KCNQ1: variants seen among roughly 807,000 people sequenced by gnomAD.
KCNQ1 encodes the protein potassium voltage-gated channel subfamily Q member 1.
A neutral mutation model predicts 72.4 loss-of-function variants in KCNQ1; 49 were observed. The observed-to-expected ratio is 0.68, with a 90% CI of 0.54 to 0.86. The LOEUF (loss-of-function observed/expected upper bound fraction) is 0.86. Ranked by LOEUF, KCNQ1 falls within the 40% of genes least tolerant of loss-of-function variation. The pLI is 0.00. For synonymous variants in KCNQ1, 450 were observed against 412.6 expected (o/e 1.09, Z -1.10); for missense variants, 790 against 945.1 (o/e 0.84, Z 2.15).
intron 10 of KCNQ1, among the ~76,000 whole-genome samples, chr11:2,591,381 G>C (rs1848668097): frequency 6.6e-6 from 1 of 152,222 alleles, no homozygotes; most frequent in Non-Finnish European, 1.5e-5. Context: ...CATCAGGATT[G>C]GGCTGGGACC....
Position 2,679,788 on chromosome 11 carries a change from G to T in KCNQ1, c.1514+17707G>T. On this transcript the variant is annotated intron_variant, in intron 11 of 15. Coordinates refer to ENST00000155840, the MANE Select transcript of KCNQ1 (RefSeq NM_000218.3). The surrounding 1 kb of genome is among the most constrained non-coding windows in gnomAD (Gnocchi z 4.8). ...CTGCACACTAGGGCCTGTTAGGCCA[G>T]TTGAGGGCTAGAGGAGCACAAGGGG... The T allele has an allele frequency of 2.5e-6, 1 of 398,646 alleles. No homozygotes were observed. Among genetic ancestry groups the T allele is most frequent in the East Asian group, 3.6e-5 (1 of 28,076 alleles). The allele number at this position is 398,646 out of a possible 1,614,324, so 24.7% of individuals were successfully genotyped here. A position where few individuals can be genotyped will look rare whatever the true frequency, so the allele number is the denominator to read the frequency against.
chr11:2,837,798 G>T (rs1040383461), intron 15 of KCNQ1, among the ~76,000 whole-genome samples: 1 of 152,246 alleles, frequency 6.6e-6, no homozygotes, highest in Admixed American at 6.5e-5. Context: ...AGGAACCAGA[G>T]GAAACCGGCT....
chr11:2,598,803 T>G lies in KCNQ1; in HGVS notation c.1393+9949T>G, dbSNP rs1848764586. Among the ~76,000 whole-genome samples, 1 of 152,310 alleles carries G rather than the reference T, an allele frequency of 6.6e-6. No homozygotes were observed. The highest frequency in any genetic ancestry group is 2.4e-5 in the African/African-American group (1 of 41,572). ...ATGTGGCCCTAAGCAAGCTACTGCA[T>G]TCTCTGTGCCTCAGTTTCCACATCT... On this transcript the variant is annotated intron_variant, in intron 10 of 15. Coordinates refer to ENST00000155840, the MANE Select transcript of KCNQ1 (RefSeq NM_000218.3). This position sits in a 1 kb window ranked among gnomAD's most constrained non-coding sequence, Gnocchi z 6.2.
At chr11:2,666,999 C>T (rs1850084840) in intron 11 of KCNQ1, 1 of 398,722 alleles carries the variant, frequency 2.5e-6, no homozygotes, top group Non-Finnish European at 4.4e-6. Flanking sequence ...TACAGGGCTG[C>T]ATGAGTCATA....
At chr11:2,643,404 T>C in intron 10 of KCNQ1, 4 of 398,480 alleles carry the variant, frequency 1.0e-5, no homozygotes, top group Non-Finnish European at 1.8e-5. Flanking sequence ...TCTGTCACTA[T>C]ATAATGACTT....
At chr11:2,499,160 C>G (rs150047355) in intron 1 of KCNQ1, among the ~76,000 whole-genome samples, 71 of 152,334 alleles carry the variant, frequency 4.7e-4, no homozygotes, top group African/African-American at 1.6e-3. Context: ...TCTTCCTATT[C>G]TGCCATCTTG....
chr11:2,694,482 CCAAG>C (rs1447898979), intron 11 of KCNQ1: 19 of 398,462 alleles, frequency 4.8e-5, no homozygotes, highest in Non-Finnish European at 4.4e-6. Flanking sequence ...ACATCCTGTC[CCAAG>C]CATTACCAGT....
At chr11:2,708,740 C>T (rs1489183559) in intron 11 of KCNQ1, among the ~76,000 whole-genome samples, 1 of 152,146 alleles carries the variant, frequency 6.6e-6, no homozygotes, top group Non-Finnish European at 1.5e-5. Context: ...TTTCCATCTC[C>T]CTGTTCTCTC....
chr11:2,698,657 A>G lies in KCNQ1; in HGVS notation c.1514+36576A>G, dbSNP rs968461950. The G allele has an allele frequency of 5.0e-6, 2 of 398,202 alleles. No individual in the cohort carries two copies. Among genetic ancestry groups the G allele is most frequent in the Non-Finnish European group, 8.8e-6 (2 of 226,030 alleles). The allele number at this position is 398,202 out of a possible 1,614,324, so 24.7% of individuals were successfully genotyped here. On this transcript the variant is annotated intron_variant, in intron 11 of 15. Transcript: ENST00000155840. The surrounding 1 kb of genome is among the most constrained non-coding windows in gnomAD (Gnocchi z 5.1). ...CCTCTAACCCCAATCCCAATCTCTT[A>G]ACTCAGAGCCCCCCATTCAGAACCT... is the stretch of plus-strand genomic sequence containing the variant.
chr11:2,686,049 TGGGGCA>T (rs1259823732), intron 11 of KCNQ1: 7 of 399,250 alleles, frequency 1.8e-5, no homozygotes, highest in South Asian at 1.3e-4. Flanking sequence ...CACCATCTGA[TGGGGCA>T]GGGGCAGGGG....
chr11:2,636,734 T>C (rs1849473165), intron 10 of KCNQ1: 1 of 152,248 alleles, frequency 6.6e-6, no homozygotes, highest in African/African-American at 2.4e-5. Context: ...CTTTTTCTAT[T>C]GTTTGGAATA....
Position 2,653,372 on chromosome 11 carries a change from C to T in KCNQ1, c.1394-8589C>T. 2.5e-6 allele frequency: 1 copy of T among 398,780 alleles called. No homozygotes were observed. The highest frequency in any genetic ancestry group is 4.4e-6 in the Non-Finnish European group (1 of 226,156). The allele number at this position is 398,780 out of a possible 1,614,324, so 24.7% of individuals were successfully genotyped here. ...ACACCTCACCCCCAACTTTGTCATG[C>T]ACATTCCTGAAGACTCTCTTGGTAA... is the stretch of plus-strand genomic sequence containing the variant. On this transcript the variant is annotated intron_variant, in intron 10 of 15. Transcript: ENST00000155840. The surrounding 1 kb of genome is among the most constrained non-coding windows in gnomAD (Gnocchi z 5.3).
At position 2,668,933 on chromosome 11, in the gene KCNQ1, C is replaced by T. The variant is rs1257337114; in HGVS notation, c.1514+6852C>T. On this transcript the variant is annotated intron_variant, in intron 11 of 15. Coordinates refer to ENST00000155840, the MANE Select transcript of KCNQ1 (RefSeq NM_000218.3). This position sits in a 1 kb window ranked among gnomAD's most constrained non-coding sequence, Gnocchi z 4.3. ...TAAAGCTTTATTAGCTCACCTTTCC[C>T]ATGTAGATCTGCACTCCATCTGGGA... The T allele has an allele frequency of 7.5e-6, 3 of 398,488 alleles. No individual in the cohort carries two copies. The highest frequency in any genetic ancestry group is 1.3e-5 in the Non-Finnish European group (3 of 226,074). The allele number at this position is 398,488 out of a possible 1,614,324, so 24.7% of individuals were successfully genotyped here.
intron 11 of KCNQ1, among the ~76,000 whole-genome samples, chr11:2,733,351 C>T (rs186055760): frequency 2.8e-4 from 42 of 152,150 alleles, no homozygotes; most frequent in South Asian, 1.7e-3. Context: ...CGCCCTCCTT[C>T]ACTGCGACCC....
In KCNQ1 at chr11:2,658,693, T is replaced by C. The variant is rs535459267; in HGVS notation, c.1394-3268T>C. 7 of 398,542 alleles carry C rather than the reference T, an allele frequency of 1.8e-5. No individual in the cohort carries two copies. In the Admixed American group the frequency reaches 1.8e-4, roughly 10 times the overall value. 24.7% of individuals were successfully genotyped at this position (398,542 alleles called of 1,614,324 possible). On this transcript the variant is annotated intron_variant, in intron 10 of 15. Transcript: ENST00000155840. The surrounding 1 kb of genome is among the most constrained non-coding windows in gnomAD (Gnocchi z 4.9). ...TCAGTGGACAGAGCTAGGAAATATATGTATGTATGTAACCTGAGTACACAT... is the reference window on the plus strand; with the variant it reads ...TCAGTGGACAGAGCTAGGAAATATACGTATGTATGTAACCTGAGTACACAT...
In KCNQ1 at chr11:2,653,831, T is replaced by C. The variant is rs1057148873; in HGVS notation, c.1394-8130T>C. 7.5e-6 allele frequency: 3 copies of C among 398,464 alleles called. No homozygotes were observed. Among genetic ancestry groups the C allele is most frequent in the Non-Finnish European group, 1.3e-5 (3 of 226,084 alleles). The allele number at this position is 398,464 out of a possible 1,614,324, so 24.7% of individuals were successfully genotyped here. A position where few individuals can be genotyped will look rare whatever the true frequency, so the allele number is the denominator to read the frequency against. On this transcript the variant is annotated intron_variant, in intron 10 of 15. Coordinates refer to ENST00000155840, the MANE Select transcript of KCNQ1 (RefSeq NM_000218.3). This position sits in a 1 kb window ranked among gnomAD's most constrained non-coding sequence, Gnocchi z 5.3. ...GAGGCAAGGTCCACAGGGACCCCTT[T>C]GGGGATGGCCAGAGGGTACCTAAAC...
At chr11:2,551,300 G>T (rs534199102) in intron 2 of KCNQ1, among the ~76,000 whole-genome samples, 1 of 152,178 alleles carries the variant, frequency 6.6e-6, no homozygotes, top group Non-Finnish European at 1.5e-5. Flanking sequence ...AACCGTGGAC[G>T]TGTTTCCTGT....
In KCNQ1 at chr11:2,629,831, T is replaced by G. The variant is rs1406436407; in HGVS notation, c.1394-32130T>G. The G allele has an allele frequency of 1.5e-5, 6 of 398,426 alleles. No individual in the cohort carries two copies. In the East Asian group the frequency reaches 2.1e-4, roughly 14 times the overall value. The allele number at this position is 398,426 out of a possible 1,614,324, so 24.7% of individuals were successfully genotyped here. On this transcript the variant is annotated intron_variant, in intron 10 of 15. Coordinates refer to ENST00000155840, the MANE Select transcript of KCNQ1 (RefSeq NM_000218.3). The stretch of plus-strand genomic sequence containing the variant: ...CTTCTAACAGGTTTTTTTTGTGGAG[T>G]CTGTAGCATTTTCTACATATATGAT...
chr11:2,665,323 G>T, intron 11 of KCNQ1: 1 of 398,390 alleles, frequency 2.5e-6, no homozygotes, highest in Non-Finnish European at 4.4e-6. Flanking sequence ...AAGGTGGGAA[G>T]TAGAGACTGT....
Sources: gnomAD v4.1 joint callset for allele counts (sites outside exome capture counted in the v4.1 genomes callset) on GRCh38, gnomAD v4.1.1 for gene constraint, Gnocchi (gnomAD v3.1) non-coding constraint, MANE v1.5 for transcripts, NCBI Gene and HGNC (gene_info 2026-07-23, HGNC 2026-07-21) for gene names.